PDZD2: variants seen among roughly 807,000 people sequenced by gnomAD.
The protein encoded by PDZD2 is PDZ domain containing 2, also known as PDZ domain-containing protein 2.
In PDZD2, 90 loss-of-function variants were observed where a neutral mutation model predicts 220.7. That is an observed-to-expected ratio of 0.41 (90% CI 0.34 to 0.49). PDZD2 has a LOEUF of 0.49. PDZD2 is among the 20% of genes least tolerant of loss of function. The pLI is 0.28. For synonymous variants in PDZD2, 1,375 were observed against 1,450.5 expected (o/e 0.95, Z 1.18); for missense variants, 3,174 against 3,608.5 (o/e 0.88, Z 3.08).
intron 2 of PDZD2, among the ~76,000 whole-genome samples, chr5:31,975,034 T>G (rs928106773): frequency 6.6e-6 from 1 of 152,240 alleles, no homozygotes; most frequent in African/African-American, 2.4e-5. Context: ...TTACCCTAAT[T>G]ATTTCTTCAC....
chr5:32,104,360 G>T (rs1038530022), intron 24 of PDZD2, among the ~76,000 whole-genome samples: 3 of 150,938 alleles, frequency 2.0e-5, no homozygotes, highest in African/African-American at 7.4e-5. Flanking sequence ...GAATAATAAA[G>T]AATTTTTTTT....
chr5:31,991,978 A>G (rs906102391), intron 3 of PDZD2, among the ~76,000 whole-genome samples: 1 of 152,238 alleles, frequency 6.6e-6, no homozygotes, highest in Non-Finnish European at 1.5e-5. Flanking sequence ...GGTTGCAGTG[A>G]GCCAAGATTG....
chr5:31,752,637 A>G lies in PDZD2; in HGVS notation c.-360-46252A>G, dbSNP rs943881839. On this transcript the variant is annotated intron_variant, in intron 1 of 24. Coordinates refer to ENST00000438447, the MANE Select transcript of PDZD2 (RefSeq NM_178140.4). ...CTTATGTTGCTCAGGCTGGTCTCGA[A>G]CTCCTGAGCTCAACTGATGCTGATA... 2.6e-5 allele frequency among the ~76,000 whole-genome samples: 4 copies of G among 151,858 alleles called. No individual in the cohort carries two copies. The East Asian group carries it at 7.7e-4, about 29-fold the overall frequency.
In PDZD2 at chr5:32,074,322, C is replaced by A; in HGVS notation, c.3216C>A (p.Ser1072Arg). The A allele has an allele frequency of 6.2e-7, 1 of 1,614,192 alleles. No homozygotes were observed. The highest frequency in any genetic ancestry group is 8.5e-7 in the Non-Finnish European group (1 of 1,180,020). The stretch of plus-strand genomic sequence containing the variant: ...AGGCCCCCAAGGGGAGCCCTGGAAG[C>A]TGGTGGAAGAAGGAACTGTCAGGAT... ...SAEAPKGSPG[S>R]WWKKELSGSS... Residue 1072 changes from serine (S) to arginine (R), a missense_variant, in exon 18 of 25, where the codon AGC becomes AGA. Physicochemically the swap from Ser to Arg is moderately radical, Grantham distance 110. Transcript: ENST00000438447.
At chr5:31,899,446 T>C (rs1741888397) in intron 2 of PDZD2, among the ~76,000 whole-genome samples, 1 of 152,116 alleles carries the variant, frequency 6.6e-6, no homozygotes, top group South Asian at 2.1e-4. Flanking sequence ...GCCTCTCTTT[T>C]CACAAGGGAA....
At position 32,089,150 on chromosome 5, in the gene PDZD2, C is replaced by T. The variant is rs896395722; in HGVS notation, c.5702C>T (p.Pro1901Leu). 1 of 1,614,062 alleles carries T rather than the reference C, an allele frequency of 6.2e-7. No homozygotes were observed. Among genetic ancestry groups the T allele is most frequent in the African/African-American group, 1.3e-5 (1 of 74,928 alleles). ...KGKAKVNSEA[P>L]AANAVKAGGT... ...AAGGCCAAAGTCAACTCTGAGGCCC[C>T]TGCTGCGAATGCTGTGAAGGCTGGG... Residue 1901 changes from proline (P) to leucine (L), a missense_variant, in exon 20 of 25, where the codon CCT (proline) becomes CTT (leucine). Physicochemically the swap from Pro to Leu is moderately conservative, Grantham distance 98. Around this residue, in one of 4 missense-constraint regions of PDZD2, gnomAD observed 1,861 missense variants for 2,001.0 expected, o/e 0.93. Coordinates refer to ENST00000438447, the MANE Select transcript of PDZD2 (RefSeq NM_178140.4).
rs188722716 is a variant in PDZD2, at chr5:31,837,781, T to C, written c.476+38057T>C. Among the ~76,000 whole-genome samples the C allele has an allele frequency of 1.0e-3, 159 of 151,732 alleles. 1 individual carries two copies. Among genetic ancestry groups the C allele is most frequent in the African/African-American group, 3.7e-3 (154 of 41,402 alleles). ...GTGTGCCTGTAGTGCCAGCTGCTTGTGAGGCTGAGTTGTGAGGATCACCTG... is the reference window on the plus strand; with the variant it reads ...GTGTGCCTGTAGTGCCAGCTGCTTGCGAGGCTGAGTTGTGAGGATCACCTG... On this transcript the variant is annotated intron_variant, in intron 2 of 24. Coordinates refer to ENST00000438447, the MANE Select transcript of PDZD2 (RefSeq NM_178140.4).
intron 2 of PDZD2, among the ~76,000 whole-genome samples, chr5:31,872,819 G>A (rs145341334): frequency 8.5e-4 from 129 of 152,166 alleles, no homozygotes; most frequent in Non-Finnish European, 1.6e-3. Flanking sequence ...GAATAATAAC[G>A]TTTCAGTAAC....
chr5:32,040,107 G>C (rs1322206938), intron 7 of PDZD2, among the ~76,000 whole-genome samples: 18 of 147,184 alleles, frequency 1.2e-4, no homozygotes, highest in African/African-American at 4.6e-4. Context: ...CCCCATCTGG[G>C]AAATGAGGAG....
In PDZD2 at chr5:32,024,699, A is replaced by AG. The variant is rs1561378312; in HGVS notation, c.1408-12532_1408-12531insG. 6.0e-4 allele frequency among the ~76,000 whole-genome samples: 23 copies of AG among 38,158 alleles called. 4 individuals carry two copies. The highest frequency in any genetic ancestry group is 1.2e-3 in the Non-Finnish European group (14 of 11,312). The allele number at this position is 38,158 out of a possible 152,430, so 25.0% of individuals were successfully genotyped here. A position where few individuals can be genotyped will look rare whatever the true frequency, so the allele number is the denominator to read the frequency against. The stretch of plus-strand genomic sequence containing the variant: ...CTTCATCTCAAAAAAAAAAAGAAAG[A>AG]AAAAAAAGAAAAGGAAAGAAAGAAA... On this transcript the variant is annotated intron_variant, in intron 6 of 24. Coordinates refer to ENST00000438447, the MANE Select transcript of PDZD2 (RefSeq NM_178140.4).
Position 31,930,196 on chromosome 5 carries a change from CTTTTTTTT to C in PDZD2, c.477-52938_477-52931del, listed in dbSNP as rs760145512. Among the ~76,000 whole-genome samples, 631 of 102,496 alleles carry C rather than the reference CTTTTTTTT, an allele frequency of 6.2e-3. 8 individuals are homozygous for C. Among genetic ancestry groups the C allele is most frequent in the African/African-American group, 0.021 (528 of 25,302 alleles). 67.2% of individuals were successfully genotyped at this position (102,496 alleles called of 152,430 possible). A position where few individuals can be genotyped will look rare whatever the true frequency, so the allele number is the denominator to read the frequency against. ...TGTACATTACCCAGTCTCAGGTATT[CTTTTTTTT>C]TTTTTTTTTTTTTTTTTTTTGGAGA... is the stretch of plus-strand genomic sequence containing the variant. On this transcript the variant is annotated intron_variant, in intron 2 of 24. Coordinates refer to ENST00000438447, the MANE Select transcript of PDZD2 (RefSeq NM_178140.4).
At chr5:31,950,459 G>A (rs953505894) in intron 2 of PDZD2, among the ~76,000 whole-genome samples, 2 of 152,204 alleles carry the variant, frequency 1.3e-5, no homozygotes, top group African/African-American at 4.8e-5. Flanking sequence ...AAGATGGTAT[G>A]GGAAGACAGG....
intron 1 of PDZD2, among the ~76,000 whole-genome samples, chr5:31,720,417 G>A (rs1169711864): frequency 6.6e-6 from 1 of 152,174 alleles, no homozygotes; most frequent in Non-Finnish European, 1.5e-5. Context: ...TGCTATACTC[G>A]AGGTATGCTT....
At chr5:31,829,153 C>T (rs1756399878) in intron 2 of PDZD2, among the ~76,000 whole-genome samples, 1 of 152,146 alleles carries the variant, frequency 6.6e-6, no homozygotes, top group South Asian at 2.1e-4. Context: ...TTTTGGCTAA[C>T]TTCCAGAGTT....
At chr5:31,953,874 C>A (rs1747409721) in intron 2 of PDZD2, among the ~76,000 whole-genome samples, 1 of 152,080 alleles carries the variant, frequency 6.6e-6, no homozygotes, top group Admixed American at 6.5e-5. Flanking sequence ...TGGTCTTGAT[C>A]TCTTGACCTC....
At chr5:31,823,275 G>C (rs6889617) in intron 2 of PDZD2, 179,712 of 325,154 alleles carry the variant, frequency 0.55, 51,883 homozygotes, top group Non-Finnish European at 0.63. Context: ...GACCAGCTGG[G>C]CCAAGGCATG....
At position 31,832,689 on chromosome 5, in the gene PDZD2, G is replaced by A. The variant is rs531808225; in HGVS notation, c.476+32965G>A. Among the ~76,000 whole-genome samples the A allele has an allele frequency of 2.8e-4, 43 of 152,230 alleles. No individual in the cohort carries two copies. The South Asian group carries it at 8.7e-3, about 31-fold the overall frequency. On this transcript the variant is annotated intron_variant, in intron 2 of 24. Coordinates refer to ENST00000438447, the MANE Select transcript of PDZD2 (RefSeq NM_178140.4). ...AAATAAGCCAGGCACGGTGGCGGGC[G>A]CCTGTAAACCCAGCTACTCAGGAGG...
intron 1 of PDZD2, among the ~76,000 whole-genome samples, chr5:31,674,097 C>A (rs541223143): frequency 1.3e-5 from 2 of 152,326 alleles, no homozygotes; most frequent in African/African-American, 4.8e-5. Context: ...GACTTCCCAG[C>A]CTCCAGAACC....
chr5:31,886,587 G>T (rs1202507258), intron 2 of PDZD2, among the ~76,000 whole-genome samples: 2 of 152,162 alleles, frequency 1.3e-5, no homozygotes, highest in African/African-American at 4.8e-5. Context: ...AGATGTGTGG[G>T]CCCTCAGCCA....
Sources: gnomAD v4.1 joint callset for allele counts (sites outside exome capture counted in the v4.1 genomes callset) on GRCh38, gnomAD v4.1.1 for gene constraint, gnomAD v4.1.1 regional missense constraint, MANE v1.5 for transcripts, NCBI Gene and HGNC (gene_info 2026-07-23, HGNC 2026-07-21) for gene names.